Variants in POLA2 observed in about 807,000 individuals in gnomAD.
The protein encoded by POLA2 is DNA polymerase alpha subunit B.
In POLA2, 47 loss-of-function variants were observed where a neutral mutation model predicts 82.8. The observed-to-expected ratio is 0.57, with a 90% CI of 0.45 to 0.72. The LOEUF is 0.72. POLA2 is among the 30% of genes least tolerant of loss of function. POLA2 has a pLI of 0.00. For synonymous variants in POLA2, 287 were observed against 286.8 expected (o/e 1.00, Z -0.01); for missense variants, 634 against 728.1 (o/e 0.87, Z 1.49).
chr11:65,301,546 G>A (rs1323331774), downstream of POLA2, among the ~76,000 whole-genome samples: 1 of 152,114 alleles, frequency 6.6e-6, no homozygotes, highest in Non-Finnish European at 1.5e-5. Context: ...GGGCGTTGGA[G>A]GGGTAGATGT....
chr11:65,280,073 A>C (rs185218457), intron 7 of POLA2: 1 of 156,926 alleles, frequency 6.4e-6, no homozygotes, highest in African/African-American at 2.4e-5. Context: ...ATCATAGTTT[A>C]ATCTGGCATA....
chr11:65,288,473 GA>G (rs1339925941), intron 11 of POLA2, among the ~76,000 whole-genome samples: 1 of 149,454 alleles, frequency 6.7e-6, no homozygotes, highest in Non-Finnish European at 1.5e-5. Context: ...TAGAAAGTCA[GA>G]AAACCCAGTG....
intron 4 of POLA2, among the ~76,000 whole-genome samples, chr11:65,269,500 A>AC (rs1565469052): frequency 2.6e-5 from 4 of 152,048 alleles, no homozygotes; most frequent in East Asian, 3.9e-4. Flanking sequence ...AAAAAAAAAA[A>AC]AAACAACAAC....
chr11:65,291,285 G>A (rs903777313), intron 13 of POLA2, among the ~76,000 whole-genome samples: 1 of 152,128 alleles, frequency 6.6e-6, no homozygotes, highest in Non-Finnish European at 1.5e-5. Flanking sequence ...CTAACCTTCC[G>A]CCTTTTAGCC....
At position 65,279,136 on chromosome 11, in the gene POLA2, A is replaced by G. The variant is rs143496872; in HGVS notation, c.655+213A>G. On this transcript the variant is annotated intron_variant, in intron 6 of 17. Transcript: ENST00000265465. ...GTCACTTCACTTTGCTAAAACGCAC[A>G]TAACCATTCCCAGCAGCAAAAACTT... Among the ~76,000 whole-genome samples, 1,313 of 152,344 alleles carry G rather than the reference A, an allele frequency of 8.6e-3. 10 individuals are homozygous for G. Among genetic ancestry groups the G allele is most frequent in the South Asian group, 0.016 (76 of 4,830 alleles).
chr11:65,293,704 G>A (rs1384381514), intron 13 of POLA2, among the ~76,000 whole-genome samples: 4 of 151,890 alleles, frequency 2.6e-5, no homozygotes, highest in Admixed American at 1.3e-4. Context: ...CTACCAAGGT[G>A]TGGCAGGGAC....
intron 4 of POLA2, among the ~76,000 whole-genome samples, chr11:65,271,000 A>G (rs953828883): frequency 6.6e-6 from 1 of 152,290 alleles, no homozygotes; most frequent in African/African-American, 2.4e-5. Context: ...CTGCCGTGCC[A>G]AATATGGGTT....
rs376934780 is a variant in POLA2 at position 65,295,886 on chromosome 11, C to A, written c.1543C>A (p.Gln515Lys). The change falls in exon 17 of 18, where the codon CAA (glutamine) becomes AAA (lysine). Residue 515 changes from glutamine to lysine, a missense_variant. Transcript: ENST00000265465. ...TAGCTACTACCCACTCTACCCGCCCCAAGAAGACATGGCCATTGACTATGA... is the reference window on the plus strand; with the variant it reads ...TAGCTACTACCCACTCTACCCGCCCAAAGAAGACATGGCCATTGACTATGA... ...QRSYYPLYPPQEDMAIDYESF... is the reference protein window; with the variant it reads ...QRSYYPLYPPKEDMAIDYESF... 6.2e-7 allele frequency: 1 copy of A among 1,613,442 alleles called. No homozygotes were observed. Among genetic ancestry groups the A allele is most frequent in the African/African-American group, 1.3e-5 (1 of 74,924 alleles).
At chr11:65,289,393 G>T (rs566850469) in intron 12 of POLA2, among the ~76,000 whole-genome samples, 1 of 152,294 alleles carries the variant, frequency 6.6e-6, no homozygotes, top group South Asian at 2.1e-4. Flanking sequence ...GCAGTCATGG[G>T]CTGCCCTGTG....
At chr11:65,262,545 C>T (rs570003604) in intron 1 of POLA2, among the ~76,000 whole-genome samples, 174 bp downstream of exon 1, 2 of 152,118 alleles carry the variant, frequency 1.3e-5, no homozygotes, top group East Asian at 3.9e-4. Context: ...GATGTGGGGA[C>T]TTTGAAATGC....
chr11:65,285,405 A>G (rs939960838), intron 10 of POLA2, among the ~76,000 whole-genome samples: 2 of 151,766 alleles, frequency 1.3e-5, no homozygotes, highest in Non-Finnish European at 2.9e-5. Flanking sequence ...CTGTCTCAAA[A>G]AAAAAAATTA....
At chr11:65,299,373 T>A (rs970933608), downstream of POLA2, among the ~76,000 whole-genome samples, 5 of 152,206 alleles carry the variant, frequency 3.3e-5, no homozygotes, top group Admixed American at 3.3e-4. Flanking sequence ...CGCCCTCCCT[T>A]ACCCGCCTCG....
chr11:65,266,958 A>G (rs1590890181), intron 2 of POLA2, among the ~76,000 whole-genome samples: 1 of 152,202 alleles, frequency 6.6e-6, no homozygotes, highest in Non-Finnish European at 1.5e-5. Flanking sequence ...CCATAATCCC[A>G]GAACTTTGGG....
At chr11:65,274,851 C>T (rs1949560140) in intron 4 of POLA2, among the ~76,000 whole-genome samples, 1 of 151,788 alleles carries the variant, frequency 6.6e-6, no homozygotes, top group East Asian at 1.9e-4. Flanking sequence ...TATAAGGCAC[C>T]ACGCCTGGCT....
rs376075364 is a variant in POLA2 at position 65,291,617 on chromosome 11, C to T, written c.1244+1745C>T. On this transcript the variant is annotated intron_variant, in intron 13 of 17. Coordinates refer to ENST00000265465, the MANE Select transcript of POLA2 (RefSeq NM_002689.4). ...CAGGAGCAGGGCTGTGTTCTTTTGT[C>T]AGCCCTTGGGGATAGGCAGGGACTG... Among the ~76,000 whole-genome samples the T allele has an allele frequency of 3.9e-5, 6 of 152,234 alleles. No homozygotes were observed. In the East Asian group the frequency reaches 9.6e-4, roughly 24 times the overall value.
intron 7 of POLA2, chr11:65,280,780 G>A (rs940006000): frequency 1.8e-6 from 1 of 550,832 alleles, no homozygotes; most frequent in African/African-American, 1.9e-5. Context: ...AGGCTCAAGT[G>A]CTGGGTGGAT....
Position 65,268,668 on chromosome 11 carries a change from T to C in POLA2, c.297-4T>C, listed in dbSNP as rs1365103116. ...TTATTGTTTTTCTTAACCAGTGTTC[T>C]TAGAATTGAAGTGGAAGAAGAAGAG... is the stretch of plus-strand genomic sequence containing the variant. On this transcript the variant is annotated splice_polypyrimidine_tract_variant and splice_region_variant and intron_variant, in intron 3 of 17. Coordinates refer to ENST00000265465, the MANE Select transcript of POLA2 (RefSeq NM_002689.4). 6.3e-7 allele frequency: 1 copy of C among 1,590,814 alleles called. No homozygotes were observed. The highest frequency in any genetic ancestry group is 8.6e-7 in the Non-Finnish European group (1 of 1,164,114).
At chr11:65,290,668 C>T (rs967939308) in intron 13 of POLA2, among the ~76,000 whole-genome samples, 2 of 152,206 alleles carry the variant, frequency 1.3e-5, no homozygotes, top group Non-Finnish European at 2.9e-5. Context: ...CTTGACAAGG[C>T]TGCATCGGCT....
intron 10 of POLA2, among the ~76,000 whole-genome samples, chr11:65,285,839 G>A (rs1949692058): frequency 6.6e-6 from 1 of 152,098 alleles, no homozygotes; most frequent in African/African-American, 2.4e-5. Flanking sequence ...TTACACTGGG[G>A]CTCACATCTC....
Sources: allele counts gnomAD v4.1 joint callset (sites outside exome capture counted in the v4.1 genomes callset), GRCh38; gene constraint gnomAD v4.1.1; transcripts MANE v1.5; gene names NCBI Gene and HGNC (gene_info 2026-07-23, HGNC 2026-07-21).